RAD51C: variants seen among roughly 807,000 people sequenced by gnomAD.
RAD51C encodes RAD51 paralog C.
Under a neutral mutation model 45.0 loss-of-function variants are expected in RAD51C, and 42 were observed. That is an observed-to-expected ratio of 0.93 (90% CI 0.73 to 1.21). RAD51C has a LOEUF of 1.21. Among genes scored for constraint, RAD51C ranks in the 50% most tolerant of loss-of-function variants. The pLI, the probability that RAD51C is intolerant of heterozygous loss-of-function variation, is 0.00. For missense variants in RAD51C, 474 were observed against 452.2 expected, an observed-to-expected ratio of 1.05 and a Z score of -0.44; for synonymous variants, 172 against 159.8, an observed-to-expected ratio of 1.08 and a Z score of -0.58.
chr17:58,707,597 T>G (rs1426188210), intron 4 of RAD51C, among the ~76,000 whole-genome samples: 3 of 151,994 alleles, frequency 2.0e-5, no homozygotes, highest in Non-Finnish European at 4.4e-5. Flanking sequence ...TGTTCCAGCC[T>G]TTGCTTATTA....
Position 58,703,342 on chromosome 17 carries a change from C to G in RAD51C, c.705+13C>G, listed in dbSNP as rs1460412844. ...AGAACACTCAAAGGTATGAGTCAGACTACTGAAATGTAACTAACCAAGTAT... is the reference window on the plus strand; with the variant it reads ...AGAACACTCAAAGGTATGAGTCAGAGTACTGAAATGTAACTAACCAAGTAT... On this transcript the variant is annotated intron_variant, in intron 4 of 8. Transcript: ENST00000337432. 1 of 1,607,966 alleles carries G rather than the reference C, an allele frequency of 6.2e-7. No homozygotes were observed. Among genetic ancestry groups the G allele is most frequent in the Non-Finnish European group, 8.5e-7 (1 of 1,175,214 alleles).
chr17:58,732,388 A>G, intron 7 of RAD51C, 96 bp from the exon 8 acceptor site: 3 of 1,005,796 alleles, frequency 3.0e-6, no homozygotes, highest in Non-Finnish European at 4.6e-6. Context: ...TATTAATATA[A>G]TAAACCTATA....
chr17:58,702,766 G>A (rs1022174085), intron 3 of RAD51C, among the ~76,000 whole-genome samples: 2 of 152,104 alleles, frequency 1.3e-5, no homozygotes, highest in Non-Finnish European at 2.9e-5. Flanking sequence ...GGGAGGCTGG[G>A]GCAGGAGGAT....
chr17:58,712,286 A>G (rs977365641), intron 5 of RAD51C, among the ~76,000 whole-genome samples: 14 of 146,520 alleles, frequency 9.6e-5, no homozygotes, highest in Non-Finnish European at 1.5e-4. Flanking sequence ...CGGAGGTTGC[A>G]GTGAGCCAAG....
At position 58,724,110 on chromosome 17, in the gene RAD51C, G is replaced by C. The variant is rs759703406; in HGVS notation, c.965+10G>C. The C allele has an allele frequency of 1.9e-6, 3 of 1,604,896 alleles. No homozygotes were observed. Among genetic ancestry groups the C allele is most frequent in the Non-Finnish European group, 2.6e-6 (3 of 1,171,788 alleles). On this transcript the variant is annotated intron_variant, in intron 7 of 8. Transcript: ENST00000337432. ...GGGACCGAAAGCAAAGGTCAGTACA[G>C]AAACAAGTTAATAACTCCGAATATT...
chr17:58,711,089 T>C (rs1050858948), intron 5 of RAD51C, among the ~76,000 whole-genome samples: 16 of 152,232 alleles, frequency 1.1e-4, no homozygotes, highest in African/African-American at 3.9e-4. Context: ...GCCCTGTGTT[T>C]GAATTACTTT....
At chr17:58,724,194 A>T (rs1412940890) in intron 7 of RAD51C, 94 bp downstream of exon 7, 11 of 1,207,328 alleles carry the variant, frequency 9.1e-6, no homozygotes, top group African/African-American at 1.5e-5. Context: ...TGTGGATGAG[A>T]TATACAGTGA....
At chr17:58,697,865 A>G (rs888433530) in intron 3 of RAD51C, among the ~76,000 whole-genome samples, 16 of 151,978 alleles carry the variant, frequency 1.1e-4, no homozygotes, top group African/African-American at 3.9e-4. Context: ...GGCATGTGCC[A>G]CCACGCCCAG....
chr17:58,733,396 T>G (rs2049518688), intron 8 of RAD51C, among the ~76,000 whole-genome samples: 2 of 152,054 alleles, frequency 1.3e-5, no homozygotes, highest in African/African-American at 2.4e-5. Context: ...AGTACCCAGG[T>G]GTACTTGAAA....
intron 4 of RAD51C, among the ~76,000 whole-genome samples, chr17:58,708,156 C>T (rs1253019250): frequency 1.3e-5 from 2 of 152,140 alleles, no homozygotes; most frequent in Non-Finnish European, 2.9e-5. Context: ...CATGTTCTGC[C>T]TTTTTATTTC....
chr17:58,708,607 A>C (rs1374064852), intron 4 of RAD51C, among the ~76,000 whole-genome samples: 1 of 151,774 alleles, frequency 6.6e-6, no homozygotes, highest in Non-Finnish European at 1.5e-5. Flanking sequence ...TTGTTTGTTT[A>C]CATTTGGGTT....
chr17:58,703,139 A>G lies in RAD51C; in HGVS notation c.572-57A>G. ...TGTTATTAAAAAGCATTGTTTTTCT[A>G]CAATTGCCAATACATCCAAACAGGT... On this transcript the variant is annotated intron_variant, in intron 3 of 8. Coordinates refer to ENST00000337432, the MANE Select transcript of RAD51C (RefSeq NM_058216.3). The G allele has an allele frequency of 1.9e-6, 3 of 1,562,452 alleles. No individual in the cohort carries two copies. In the South Asian group the frequency reaches 3.4e-5, roughly 18 times the overall value.
intron 7 of RAD51C, among the ~76,000 whole-genome samples, chr17:58,729,813 C>G (rs983304607): frequency 6.6e-6 from 1 of 151,566 alleles, no homozygotes; most frequent in Non-Finnish European, 1.5e-5. Context: ...CTCAAGTGAC[C>G]TGCCCACCTC....
intron 7 of RAD51C, 100 bp downstream of exon 7, chr17:58,724,200 A>G: frequency 8.6e-7 from 1 of 1,166,966 alleles, no homozygotes; most frequent in African/African-American, 1.5e-5. Context: ...TGAGATATAC[A>G]GTGACCCATG....
intron 5 of RAD51C, among the ~76,000 whole-genome samples, chr17:58,719,241 T>A (rs2143919450): frequency 6.6e-6 from 1 of 151,596 alleles, no homozygotes; most frequent in South Asian, 2.1e-4. Context: ...TGAGACAAGG[T>A]CTTGCTTGGT....
chr17:58,694,993 A>C lies in RAD51C; in HGVS notation c.208A>C (p.Thr70Pro), dbSNP rs771189870. The change falls in exon 2 of 9, where the codon ACA (threonine) becomes CCA (proline). Residue 70 changes from threonine (T) to proline (P), a missense_variant. Coordinates refer to ENST00000337432, the MANE Select transcript of RAD51C (RefSeq NM_058216.3). Reference sequence around the variant, plus strand: ...GCAAATTATCAGAAGAGAATGTCTCACAAATAAACCAAGATATGCTGGTAC... The same window carrying C: ...GCAAATTATCAGAAGAGAATGTCTCCCAAATAAACCAAGATATGCTGGTAC... ...TLQIIRRECL[T>P]NKPRYAGTSE... 6.2e-7 allele frequency: 1 copy of C among 1,614,166 alleles called. No individual in the cohort carries two copies. The highest frequency in any genetic ancestry group is 1.1e-5 in the South Asian group (1 of 91,086).
Position 58,714,792 on chromosome 17 carries a change from T to C in RAD51C, c.837+4802T>C, listed in dbSNP as rs181996955. Among the ~76,000 whole-genome samples, 38 of 152,300 alleles carry C rather than the reference T, an allele frequency of 2.5e-4. No homozygotes were observed. In the East Asian group the frequency reaches 6.6e-3, roughly 26 times the overall value. On this transcript the variant is annotated intron_variant, in intron 5 of 8. Transcript: ENST00000337432. ...CTTTTAAATCTTTGCCAAATTGATA[T>C]GGAGAAAGTCCTTTAAAAATATGTT...
rs1555593670 is a variant in RAD51C, at chr17:58,695,062, C to G, written c.277C>G (p.Gln93Glu). ...KKCTALELLE[Q>E]EHTQGFIITF... ...GTGTACAGCACTGGAACTTCTTGAG[C>G]AGGAGCATACCCAGGGCTTCATAAT... Residue 93 changes from glutamine to glutamate, a missense_variant, in exon 2 of 9, where the codon CAG (glutamine) becomes GAG (glutamate). Transcript: ENST00000337432. 1 of 1,614,086 alleles carries G rather than the reference C, an allele frequency of 6.2e-7. No individual in the cohort carries two copies. The highest frequency in any genetic ancestry group is 8.5e-7 in the Non-Finnish European group (1 of 1,180,020).
At chr17:58,709,133 C>T (rs370875031) in intron 4 of RAD51C, among the ~76,000 whole-genome samples, 7 of 137,224 alleles carry the variant, frequency 5.1e-5, no homozygotes, top group East Asian at 2.1e-4. Context: ...CTCACTCTGT[C>T]GCCCAGGCTG....
Sources: gnomAD v4.1 joint callset for allele counts (sites outside exome capture counted in the v4.1 genomes callset) on GRCh38, gnomAD v4.1.1 for gene constraint, MANE v1.5 for transcripts, NCBI Gene and HGNC (gene_info 2026-07-23, HGNC 2026-07-21) for gene names.